PIGK: variants seen among roughly 807,000 people sequenced by gnomAD.
PIGK encodes phosphatidylinositol glycan anchor biosynthesis class K.
In PIGK, 42 loss-of-function variants were observed where a neutral mutation model predicts 50.6. That is an observed-to-expected ratio of 0.83 (90% CI 0.65 to 1.07). The LOEUF (loss-of-function observed/expected upper bound fraction) is 1.07. PIGK is among the 50% of genes least tolerant of loss of function. PIGK has a pLI of 0.00. For missense variants in PIGK, 448 were observed against 488.7 expected, an observed-to-expected ratio of 0.92 and a Z score of 0.78; for synonymous variants, 151 against 156.0, an observed-to-expected ratio of 0.97 and a Z score of 0.24.
chr1:77,137,827 C>T (rs1258867430), intron 9 of PIGK, among the ~76,000 whole-genome samples: 1 of 152,214 alleles, frequency 6.6e-6, no homozygotes. Context: ...TGGTCGTGAA[C>T]TACTAACCTC....
At chr1:77,129,768 T>C (rs1420267490) in intron 9 of PIGK, 23 of 654,042 alleles carry the variant, frequency 3.5e-5, no homozygotes, top group African/African-American at 5.7e-5. Context: ...ACAGAAAAAG[T>C]TGCCCAACCT....
At chr1:77,195,478 A>T (rs1656012817) in intron 3 of PIGK, 1 of 795,816 alleles carries the variant, frequency 1.3e-6, no homozygotes, top group African/African-American at 1.7e-5. Context: ...AAAAAAAGAA[A>T]AGAATGACTA....
intron 1 of PIGK, among the ~76,000 whole-genome samples, chr1:77,217,727 G>A (rs1231365494): frequency 2.0e-5 from 3 of 152,118 alleles, no homozygotes; most frequent in Non-Finnish European, 2.9e-5. Flanking sequence ...AACCATACAC[G>A]GGTTATAGTA....
In PIGK at chr1:77,121,977, G is replaced by C. The variant is rs1423604293; in HGVS notation, c.1071+298C>G. Among the ~76,000 whole-genome samples, 5 of 151,834 alleles carry C rather than the reference G, an allele frequency of 3.3e-5. No individual in the cohort carries two copies. The East Asian group carries it at 9.6e-4, about 29-fold the overall frequency. On this transcript the variant is annotated intron_variant, in intron 10 of 10. Transcript: ENST00000370812. Reference sequence around the variant, plus strand: ...TTGTCACTAAGTACTATACACAATGGGTCAAAATGAAAGTTTTCTGAAATT... The same window carrying C: ...TTGTCACTAAGTACTATACACAATGCGTCAAAATGAAAGTTTTCTGAAATT...
At chr1:77,179,011 C>T (rs866337679) in intron 3 of PIGK, among the ~76,000 whole-genome samples, 1 of 152,192 alleles carries the variant, frequency 6.6e-6, no homozygotes, top group Non-Finnish European at 1.5e-5. Context: ...GGACTGAGAT[C>T]ATGCGCTAGG....
chr1:77,192,934 T>C (rs1655943119), intron 3 of PIGK, among the ~76,000 whole-genome samples: 1 of 152,168 alleles, frequency 6.6e-6, no homozygotes, highest in African/African-American at 2.4e-5. Flanking sequence ...GGTTTTACTT[T>C]CTAAAACCAT....
At chr1:77,171,956 C>A (rs1655372348) in intron 3 of PIGK, among the ~76,000 whole-genome samples, 1 of 150,504 alleles carries the variant, frequency 6.6e-6, no homozygotes, top group African/African-American at 2.5e-5. Flanking sequence ...ACAAAACTAG[C>A]AAACTAATAA....
At chr1:77,188,607 T>C (rs1014877067) in intron 3 of PIGK, among the ~76,000 whole-genome samples, 1 of 152,184 alleles carries the variant, frequency 6.6e-6, no homozygotes, top group African/African-American at 2.4e-5. Context: ...TATTACCCTG[T>C]TAAGTACTTG....
intron 9 of PIGK, among the ~76,000 whole-genome samples, chr1:77,150,865 A>G (rs1006217852): frequency 4.6e-5 from 7 of 152,156 alleles, no homozygotes; most frequent in African/African-American, 1.7e-4. Context: ...AAAATCTCCC[A>G]TCAAAGAAAA....
intron 1 of PIGK, among the ~76,000 whole-genome samples, chr1:77,215,028 T>C (rs1656520521): frequency 2.0e-5 from 3 of 152,138 alleles, no homozygotes; most frequent in Admixed American, 1.3e-4. Flanking sequence ...CTTCCATGCA[T>C]TGAATTGGAA....
intron 5 of PIGK, among the ~76,000 whole-genome samples, chr1:77,165,122 C>T (rs1655206761): frequency 6.6e-6 from 1 of 152,048 alleles, no homozygotes; most frequent in African/African-American, 2.4e-5. Context: ...AGTTCACAGG[C>T]CATAGTTTAT....
chr1:77,211,165 A>G (rs868454098), intron 1 of PIGK, among the ~76,000 whole-genome samples: 8 of 152,000 alleles, frequency 5.3e-5, no homozygotes, highest in African/African-American at 1.9e-4. Context: ...GTCTTTCCCA[A>G]AACAATGTAA....
chr1:77,097,064 A>G (rs1357759299), intron 10 of PIGK, among the ~76,000 whole-genome samples: 1 of 151,828 alleles, frequency 6.6e-6, no homozygotes, highest in East Asian at 1.9e-4. Context: ...GCACATATAC[A>G]CCATGGAATA....
At chr1:77,132,071 T>A (rs1282570623) in intron 9 of PIGK, among the ~76,000 whole-genome samples, 1 of 152,058 alleles carries the variant, frequency 6.6e-6, no homozygotes, top group Non-Finnish European at 1.5e-5. Context: ...AGGCTTAATT[T>A]ATTTCTTTTA....
intron 1 of PIGK, among the ~76,000 whole-genome samples, chr1:77,211,773 C>T (rs1184275586): frequency 6.6e-6 from 1 of 150,606 alleles, no homozygotes; most frequent in Non-Finnish European, 1.5e-5. Flanking sequence ...TGTGCTACAA[C>T]ACCCATAAAG....
At chr1:77,146,086 G>T (rs1233771145) in intron 9 of PIGK, among the ~76,000 whole-genome samples, 1 of 152,032 alleles carries the variant, frequency 6.6e-6, no homozygotes, top group Non-Finnish European at 1.5e-5. Flanking sequence ...GTAAGTTGGA[G>T]ACCATCTGTA....
At chr1:77,099,426 C>T (rs1275994662) in intron 10 of PIGK, among the ~76,000 whole-genome samples, 1 of 152,038 alleles carries the variant, frequency 6.6e-6, no homozygotes, top group Non-Finnish European at 1.5e-5. Context: ...TTGGATTATG[C>T]AGCAAAAATC....
chr1:77,219,173 T>G, intron 1 of PIGK, 137 bp downstream of exon 1: 1 of 642,160 alleles, frequency 1.6e-6, no homozygotes, highest in Non-Finnish European at 2.8e-6. Flanking sequence ...CCGTGCCCAG[T>G]GATACCCTCC....
At chr1:77,171,091 T>C (rs1232794359) in intron 3 of PIGK, among the ~76,000 whole-genome samples, 3 of 152,272 alleles carry the variant, frequency 2.0e-5, no homozygotes, top group African/African-American at 7.2e-5. Flanking sequence ...ATATCAATCA[T>C]ATATTCCTTT....
Sources: gnomAD v4.1 joint callset for allele counts (sites outside exome capture counted in the v4.1 genomes callset) on GRCh38, gnomAD v4.1.1 for gene constraint, MANE v1.5 for transcripts, NCBI Gene and HGNC (gene_info 2026-07-23, HGNC 2026-07-21) for gene names.